Variants in AKAP19 observed in about 807,000 individuals in gnomAD.
AKAP19 encodes small A-kinase anchoring protein.
chr2:189,967,611 C>A, the AKAP19 span, among the ~76,000 whole-genome samples: 1 of 152,066 alleles, frequency 6.6e-6, no homozygotes, highest in Non-Finnish European at 1.5e-5. Flanking sequence ...CACAGATATA[C>A]TTCATTTAGA....
the AKAP19 span, among the ~76,000 whole-genome samples, chr2:190,183,391 A>C: frequency 4.0e-4 from 61 of 152,298 alleles, no homozygotes; most frequent in Middle Eastern, 6.8e-3. Context: ...TATGAGAAAA[A>C]TGTCTTGCTG....
At chr2:189,913,576 G>T in the AKAP19 span, among the ~76,000 whole-genome samples, 1 of 151,892 alleles carries the variant, frequency 6.6e-6, no homozygotes, top group Non-Finnish European at 1.5e-5. Flanking sequence ...TTAAAATATT[G>T]GCTTTCCTCT....
the AKAP19 span, among the ~76,000 whole-genome samples, chr2:190,108,205 G>A: frequency 6.6e-6 from 1 of 152,134 alleles, no homozygotes; most frequent in Non-Finnish European, 1.5e-5. Flanking sequence ...CCCCAGGCTG[G>A]AGTGCAATGG....
At chr2:189,942,834 G>A in the AKAP19 span, among the ~76,000 whole-genome samples, 1 of 152,172 alleles carries the variant, frequency 6.6e-6, no homozygotes, top group Admixed American at 6.5e-5. Context: ...GATGATTTAG[G>A]GTATCTGGGA....
At chr2:190,121,962 G>A in the AKAP19 span, among the ~76,000 whole-genome samples, 1 of 152,142 alleles carries the variant, frequency 6.6e-6, no homozygotes, top group Non-Finnish European at 1.5e-5. Context: ...CTTTGAGGGG[G>A]AATTTGTGAG....
chr2:189,978,981 A>G, the AKAP19 span, among the ~76,000 whole-genome samples: 2 of 152,174 alleles, frequency 1.3e-5, no homozygotes, highest in East Asian at 3.8e-4. Context: ...GAAAGAATCA[A>G]TATCATTAAA....
the AKAP19 span, among the ~76,000 whole-genome samples, chr2:190,012,708 T>A: frequency 4.6e-5 from 7 of 152,220 alleles, no homozygotes; most frequent in African/African-American, 1.4e-4. Context: ...GGAAAAGCTT[T>A]CAACTTTTTA....
the AKAP19 span, among the ~76,000 whole-genome samples, chr2:190,078,900 G>A: frequency 1.3e-5 from 2 of 151,834 alleles, no homozygotes; most frequent in Non-Finnish European, 2.9e-5. Flanking sequence ...AATTAAATAA[G>A]TTATAGTATC....
At chr2:190,078,483 T>C in the AKAP19 span, among the ~76,000 whole-genome samples, 1 of 152,150 alleles carries the variant, frequency 6.6e-6, no homozygotes, top group Non-Finnish European at 1.5e-5. Context: ...TTCTTACCTT[T>C]AGCCCAGAAC....
chr2:189,911,933 A>G, the AKAP19 span, among the ~76,000 whole-genome samples: 4 of 151,878 alleles, frequency 2.6e-5, no homozygotes, highest in African/African-American at 7.2e-5. Flanking sequence ...TAATAATACA[A>G]ACTGGTTGAT....
At chr2:190,025,594 G>A in the AKAP19 span, among the ~76,000 whole-genome samples, 2 of 152,188 alleles carry the variant, frequency 1.3e-5, no homozygotes, top group Non-Finnish European at 2.9e-5. Context: ...TTAGAGCTGA[G>A]CCCATGCTTT....
At chr2:190,185,336 G>C in the AKAP19 span, among the ~76,000 whole-genome samples, 20 of 152,302 alleles carry the variant, frequency 1.3e-4, no homozygotes, top group African/African-American at 4.8e-4. Flanking sequence ...GGCATAAATA[G>C]AACAGATTTA....
the AKAP19 span, among the ~76,000 whole-genome samples, chr2:190,018,219 T>C: frequency 2.0e-5 from 3 of 152,274 alleles, no homozygotes; most frequent in Middle Eastern, 3.4e-3. Context: ...CTTCAGCCAT[T>C]ATTTATTTAA....
the AKAP19 span, among the ~76,000 whole-genome samples, chr2:189,963,399 G>A: frequency 3.6e-4 from 54 of 152,080 alleles, no homozygotes; most frequent in Middle Eastern, 3.4e-3. Flanking sequence ...GTTTCACCTC[G>A]TCAGCCAGGA....
the AKAP19 span, among the ~76,000 whole-genome samples, chr2:190,116,385 ATC>A: frequency 3.2e-4 from 48 of 152,260 alleles, 1 homozygote; most frequent in South Asian, 9.9e-3. Flanking sequence ...CACAGCCTCA[ATC>A]TCTTTTATAG....
the AKAP19 span, among the ~76,000 whole-genome samples, chr2:190,074,683 A>G: frequency 6.6e-6 from 1 of 151,860 alleles, no homozygotes; most frequent in Non-Finnish European, 1.5e-5. Flanking sequence ...GGAGTGCAAA[A>G]GTAGATCAAA....
chr2:190,196,891 TAGTATGG>T, the AKAP19 span, among the ~76,000 whole-genome samples: 1 of 152,194 alleles, frequency 6.6e-6, no homozygotes, highest in Non-Finnish European at 1.5e-5. Context: ...TACCAGAGAC[TAGTATGG>T]AGTATTTAGA....
chr2:190,152,924 C>G, the AKAP19 span, among the ~76,000 whole-genome samples: 1 of 143,016 alleles, frequency 7.0e-6, no homozygotes, highest in African/African-American at 2.7e-5. Context: ...GAGACGAAGT[C>G]TCACTCTGTC....
chr2:190,123,686 A>G, the AKAP19 span, among the ~76,000 whole-genome samples: 1 of 152,328 alleles, frequency 6.6e-6, no homozygotes, highest in African/African-American at 2.4e-5. Context: ...CACCCCTGTC[A>G]GTGAAATGAT....
Sources: gnomAD v4.1 joint callset for allele counts (sites outside exome capture counted in the v4.1 genomes callset) on GRCh38, gnomAD v4.1.1 for gene constraint, MANE v1.5 for transcripts, NCBI Gene and HGNC (gene_info 2026-07-23, HGNC 2026-07-21) for gene names.